ZHX3: variants seen among roughly 807,000 people sequenced by gnomAD.
ZHX3 encodes zinc fingers and homeoboxes 3.
ZHX3 carries 20 observed loss-of-function variants against 64.5 expected under a neutral mutation model. The observed-to-expected ratio is 0.31, with a 90% CI of 0.22 to 0.45. The LOEUF is 0.45. Ranked by LOEUF, ZHX3 falls within the 20% of genes least tolerant of loss-of-function variation. The pLI, the probability that ZHX3 is intolerant of heterozygous loss-of-function variation, is 1.00. For synonymous variants in ZHX3, 423 were observed against 461.6 expected, an observed-to-expected ratio of 0.92 and a Z score of 1.07; for missense variants, 1,041 against 1,195.8, an observed-to-expected ratio of 0.87 and a Z score of 1.91.
At position 41,185,804 on chromosome 20, in the gene ZHX3, T is replaced by G; in HGVS notation, c.2861-603A>C. 6.5e-6 allele frequency: 1 copy of G among 153,158 alleles called. No homozygotes were observed. The highest frequency in any genetic ancestry group is 1.5e-5 in the Non-Finnish European group (1 of 68,722). 9.5% of individuals were successfully genotyped at this position (153,158 alleles called of 1,614,324 possible). ...CAGATAAACAGATTGGCCCTTCCTG[T>G]ACCCACAGTTACCTGTCTCAGACAG... is the stretch of plus-strand genomic sequence containing the variant. On this transcript the variant is annotated intron_variant, in intron 3 of 3. Transcript: ENST00000683867. The surrounding 1 kb of genome is among the most constrained non-coding windows in gnomAD (Gnocchi z 5.0).
Position 41,202,271 on chromosome 20 carries a change from C to T in ZHX3, c.2646G>A (p.Trp882Ter). The change falls in exon 3 of 4, where the codon TGG (tryptophan) becomes TGA (stop). Residue 882 changes from tryptophan (W) to a stop codon, truncating the protein, a stop_gained. Coordinates refer to ENST00000683867, the MANE Select transcript of ZHX3 (RefSeq NM_001384317.1). LOFTEE classifies it high-confidence loss of function. The surrounding 1 kb of genome is among the most constrained non-coding windows in gnomAD (Gnocchi z 7.0). ...TQMSSQQVKQWFAEKMGEETR... is the reference protein window; with the variant it reads ...TQMSSQQVKQ ...TCTCCTCCCCCATTTTCTCAGCAAA[C>T]CACTGCTTGACCTGCTGGGAGCTCA... 1.2e-6 allele frequency: 2 copies of T among 1,614,170 alleles called. No homozygotes were observed. The highest frequency in any genetic ancestry group is 8.5e-7 in the Non-Finnish European group (1 of 1,180,012).
At chr20:41,235,571 GC>G (rs1480558915) in intron 2 of ZHX3, among the ~76,000 whole-genome samples, 1 of 151,784 alleles carries the variant, frequency 6.6e-6, no homozygotes, top group Non-Finnish European at 1.5e-5. Context: ...AAATTCAACA[GC>G]CCTTAATGCT....
chr20:41,274,342 C>T (rs1217185780), intron 1 of ZHX3, among the ~76,000 whole-genome samples: 1 of 152,206 alleles, frequency 6.6e-6, no homozygotes, highest in Admixed American at 6.5e-5. Context: ...GTATCAGGAA[C>T]TCTTTTTCAT....
intron 1 of ZHX3, among the ~76,000 whole-genome samples, chr20:41,289,545 T>A (rs2146735243): frequency 6.6e-6 from 1 of 152,336 alleles, no homozygotes; most frequent in Non-Finnish European, 1.5e-5. Flanking sequence ...CATCTCATTT[T>A]ATTCATAACG....
At chr20:41,310,543 C>T (rs1427277390) in intron 1 of ZHX3, among the ~76,000 whole-genome samples, 2 of 152,084 alleles carry the variant, frequency 1.3e-5, no homozygotes, top group African/African-American at 2.4e-5. Context: ...GAAATAAACT[C>T]CCTGGTGGTA....
At chr20:41,265,798 T>C (rs936401333) in intron 2 of ZHX3, among the ~76,000 whole-genome samples, 8 of 152,178 alleles carry the variant, frequency 5.3e-5, no homozygotes, top group Non-Finnish European at 1.0e-4. Context: ...CTATTAACCG[T>C]TCATAATATT....
chr20:41,180,722 C>A lies in ZHX3; in HGVS notation c.*4469G>T, dbSNP rs1275849029. On this transcript the variant is annotated 3_prime_UTR_variant, in exon 4 of 4. Coordinates refer to ENST00000683867, the MANE Select transcript of ZHX3 (RefSeq NM_001384317.1). ...CCACCCCTCCTGGTGTGACCTGGCA[C>A]TGGGAACACACAGATTGCAGCAGAA... 6.6e-6 allele frequency: 1 copy of A among 152,288 alleles called. No individual in the cohort carries two copies. Among genetic ancestry groups the A allele is most frequent in the Admixed American group, 6.5e-5 (1 of 15,280 alleles). The allele number at this position is 152,288 out of a possible 1,614,324, so 9.4% of individuals were successfully genotyped here.
rs1484503024 is a variant in ZHX3, at chr20:41,224,784, TAAGAA to T, written c.-150-19723_-150-19719del. Among the ~76,000 whole-genome samples the T allele has an allele frequency of 2.0e-5, 3 of 152,252 alleles. No homozygotes were observed. On this transcript the variant is annotated intron_variant, in intron 2 of 3. Coordinates refer to ENST00000683867, the MANE Select transcript of ZHX3 (RefSeq NM_001384317.1). The surrounding 1 kb of genome is among the most constrained non-coding windows in gnomAD (Gnocchi z 5.2). Reference sequence around the variant, plus strand: ...TTTGCCTCTTTGAAATCTACCTTCTTAAGAAAGGAATGTTAGACTTTCTCTGAACA... The same window carrying T: ...TTTGCCTCTTTGAAATCTACCTTCTTAGGAATGTTAGACTTTCTCTGAACA...
Position 41,208,106 on chromosome 20 carries a change from T to G in ZHX3, c.-150-3040A>C, listed in dbSNP as rs559289584. 6.0e-4 allele frequency among the ~76,000 whole-genome samples: 91 copies of G among 152,264 alleles called. No homozygotes were observed. In the Middle Eastern group the frequency reaches 0.01, roughly 17 times the overall value. On this transcript the variant is annotated intron_variant, in intron 2 of 3. Coordinates refer to ENST00000683867, the MANE Select transcript of ZHX3 (RefSeq NM_001384317.1). ...AGAAAATCTAGAAGAAATGGATAAATTCCTGGACACATACACCCTCCCAAG... is the reference window on the plus strand; with the variant it reads ...AGAAAATCTAGAAGAAATGGATAAAGTCCTGGACACATACACCCTCCCAAG...
At chr20:41,249,727 C>T (rs947589859) in intron 2 of ZHX3, among the ~76,000 whole-genome samples, 3 of 152,170 alleles carry the variant, frequency 2.0e-5, no homozygotes, top group Non-Finnish European at 2.9e-5. Flanking sequence ...GGTCTAAACC[C>T]ATTTCTCTCC....
At chr20:41,277,687 G>T (rs867870752) in intron 1 of ZHX3, among the ~76,000 whole-genome samples, 49 of 150,484 alleles carry the variant, frequency 3.3e-4, no homozygotes, top group African/African-American at 1.2e-3. Context: ...CGCCTCCCGG[G>T]TTCATGCCAT....
In ZHX3 at chr20:41,297,517, A is replaced by G. The variant is rs529731948; in HGVS notation, c.-245+19992T>C. On this transcript the variant is annotated intron_variant, in intron 1 of 3. Coordinates refer to ENST00000683867, the MANE Select transcript of ZHX3 (RefSeq NM_001384317.1). ...AACATAGCAGCCTCGCAAACATCCC[A>G]TCTTTCCTATTGTGCCATGGTTTCA... 2.6e-5 allele frequency among the ~76,000 whole-genome samples: 4 copies of G among 152,326 alleles called. No homozygotes were observed. The East Asian group carries it at 7.7e-4, about 29-fold the overall frequency.
At chr20:41,252,199 G>A (rs1002174211) in intron 2 of ZHX3, among the ~76,000 whole-genome samples, 1 of 152,154 alleles carries the variant, frequency 6.6e-6, no homozygotes, top group Admixed American at 6.5e-5. Flanking sequence ...ACCAGGAAAT[G>A]TCCTCTTTTC....
chr20:41,253,572 G>A (rs764167341), intron 2 of ZHX3, among the ~76,000 whole-genome samples: 15 of 152,090 alleles, frequency 9.9e-5, no homozygotes, highest in Non-Finnish European at 2.2e-4. Flanking sequence ...GGGGAGTAGG[G>A]GTGGGCACTG....
intron 2 of ZHX3, among the ~76,000 whole-genome samples, chr20:41,259,802 T>A (rs959593236): frequency 3.8e-4 from 58 of 152,200 alleles, no homozygotes; most frequent in African/African-American, 1.4e-3. Flanking sequence ...GTGAATTTTA[T>A]TATTTATTTA....
At chr20:41,196,753 A>C (rs940355697) in intron 3 of ZHX3, 5 of 184,000 alleles carry the variant, frequency 2.7e-5, no homozygotes, top group African/African-American at 1.2e-4. Flanking sequence ...AAGGCCAAGA[A>C]GGCAGTGCTG....
At chr20:41,210,122 A>C (rs1425558099) in intron 2 of ZHX3, among the ~76,000 whole-genome samples, 2 of 152,238 alleles carry the variant, frequency 1.3e-5, no homozygotes, top group Admixed American at 6.5e-5. Context: ...GCCATCAGAG[A>C]AATGCAAATC....
chr20:41,217,737 T>C (rs1361691089), intron 2 of ZHX3, among the ~76,000 whole-genome samples: 2 of 152,192 alleles, frequency 1.3e-5, no homozygotes, highest in Non-Finnish European at 2.9e-5. Context: ...GTCTCCTGAA[T>C]TGGTTATTAT....
At chr20:41,235,163 T>C (rs1174708663) in intron 2 of ZHX3, among the ~76,000 whole-genome samples, 2 of 150,438 alleles carry the variant, frequency 1.3e-5, no homozygotes, top group Admixed American at 6.7e-5. Flanking sequence ...GAGTGGGGGG[T>C]AGTGCCAAAA....
Sources: allele counts gnomAD v4.1 joint callset (sites outside exome capture counted in the v4.1 genomes callset), GRCh38; gene constraint gnomAD v4.1.1; non-coding constraint Gnocchi (gnomAD v3.1); transcripts MANE v1.5; gene names NCBI Gene and HGNC (gene_info 2026-07-23, HGNC 2026-07-21).